The following DESI2 variants were observed in gnomAD, a reference collection of about 807,000 sequenced individuals.
DESI2 encodes desumoylating isopeptidase 2.
In DESI2, 10 loss-of-function variants were observed where a neutral mutation model predicts 24.1. The ratio of observed to expected loss-of-function variants is 0.41; its 90% CI spans 0.26 to 0.70. The LOEUF is 0.70. Among genes scored for constraint, DESI2 ranks in the 30% least tolerant of loss-of-function variants. The pLI, the probability that DESI2 is intolerant of heterozygous loss-of-function variation, is 0.29. For synonymous variants in DESI2, 71 were observed against 87.7 expected (o/e 0.81, Z 1.06); for missense variants, 122 against 234.9 (o/e 0.52, Z 3.14).
intron 3 of DESI2, among the ~76,000 whole-genome samples, chr1:244,690,995 T>C (rs1025824832): frequency 1.3e-5 from 2 of 152,250 alleles, no homozygotes; most frequent in Non-Finnish European, 2.9e-5. Context: ...TTCTAAGTAT[T>C]TTCAGGTTCC....
chr1:244,698,217 G>A (rs7550577), intron 4 of DESI2, among the ~76,000 whole-genome samples: 152,357 of 152,372 alleles, frequency 1, 76,171 homozygotes, highest in Middle Eastern at 1. Flanking sequence ...GTGGGACGCA[G>A]CTTCCTTGCT....
chr1:244,705,129 AAAG>A (rs746298839), intron 4 of DESI2, among the ~76,000 whole-genome samples: 12 of 152,192 alleles, frequency 7.9e-5, no homozygotes, highest in Admixed American at 2.0e-4. Context: ...AATCTGTGAA[AAAG>A]AAGAATTCAC....
chr1:244,674,143 C>T (rs552285020), intron 1 of DESI2, among the ~76,000 whole-genome samples: 31 of 151,924 alleles, frequency 2.0e-4, no homozygotes, highest in East Asian at 9.7e-4. Flanking sequence ...TACAGGCGTC[C>T]GCCACCACGC....
intron 1 of DESI2, among the ~76,000 whole-genome samples, chr1:244,654,378 A>G (rs1433126889): frequency 6.6e-6 from 1 of 152,208 alleles, no homozygotes; most frequent in African/African-American, 2.4e-5. Context: ...GAAATACTAC[A>G]GGCCAAGAGT....
At chr1:244,697,762 C>T (rs929120596) in intron 4 of DESI2, among the ~76,000 whole-genome samples, 6 of 151,930 alleles carry the variant, frequency 3.9e-5, no homozygotes, top group Non-Finnish European at 8.8e-5. Flanking sequence ...TCTCTCCTCC[C>T]GGAAGAAAGA....
intron 4 of DESI2, among the ~76,000 whole-genome samples, chr1:244,701,962 G>A (rs1487373187): frequency 6.6e-6 from 1 of 152,136 alleles, no homozygotes. Context: ...ACCACTATAT[G>A]TGTACGCTTG....
intron 1 of DESI2, among the ~76,000 whole-genome samples, chr1:244,665,340 A>G (rs971058924): frequency 1.3e-5 from 2 of 152,090 alleles, no homozygotes; most frequent in Non-Finnish European, 2.9e-5. Context: ...CTGCGCTCCT[A>G]ACTGTCATGC....
At chr1:244,705,473 C>A in intron 4 of DESI2, 83 bp from the exon 5 acceptor site, 1 of 1,221,064 alleles carries the variant, frequency 8.2e-7, no homozygotes, top group Non-Finnish European at 1.2e-6. Flanking sequence ...CGCCGCCCCC[C>A]TCCTCCCACC....
At chr1:244,685,855 T>TA (rs1676798717) in intron 1 of DESI2, among the ~76,000 whole-genome samples, 1 of 152,218 alleles carries the variant, frequency 6.6e-6, no homozygotes, top group Non-Finnish European at 1.5e-5. Flanking sequence ...TTCACCTTTT[T>TA]AACCCCTTTC....
At chr1:244,663,251 A>G (rs1675910301) in intron 1 of DESI2, among the ~76,000 whole-genome samples, 1 of 151,422 alleles carries the variant, frequency 6.6e-6, no homozygotes, top group Non-Finnish European at 1.5e-5. Flanking sequence ...GTCTCGGCTC[A>G]GTGCAAGCTC....
chr1:244,674,237 G>A (rs1264674511), intron 1 of DESI2, among the ~76,000 whole-genome samples: 1 of 151,734 alleles, frequency 6.6e-6, no homozygotes, highest in African/African-American at 2.4e-5. Flanking sequence ...CACCTCAGGT[G>A]ATCCACCCGC....
At chr1:244,678,814 G>T (rs76410275) in intron 1 of DESI2, among the ~76,000 whole-genome samples, 2 of 152,128 alleles carry the variant, frequency 1.3e-5, no homozygotes, top group African/African-American at 4.8e-5. Flanking sequence ...AAATAGAGCC[G>T]CCTGCATCCG....
At chr1:244,657,849 G>C (rs1023655489) in intron 1 of DESI2, among the ~76,000 whole-genome samples, 4 of 152,194 alleles carry the variant, frequency 2.6e-5, no homozygotes, top group Non-Finnish European at 5.9e-5. Context: ...TTAATAGAAA[G>C]GAAAAACTTA....
intron 4 of DESI2, among the ~76,000 whole-genome samples, chr1:244,693,718 A>G (rs906120517): frequency 3.1e-4 from 47 of 152,358 alleles, no homozygotes; most frequent in African/African-American, 1.1e-3. Context: ...GGCGTGAGCC[A>G]CGGCGCCCAG....
At chr1:244,671,468 C>G (rs1418932708) in intron 1 of DESI2, among the ~76,000 whole-genome samples, 4 of 152,178 alleles carry the variant, frequency 2.6e-5, no homozygotes, top group African/African-American at 9.7e-5. Flanking sequence ...TTTAACTAGT[C>G]TGCTGAATGT....
intron 4 of DESI2, chr1:244,694,366 T>C (rs1677133549): frequency 8.2e-6 from 5 of 610,108 alleles, no homozygotes; most frequent in East Asian, 3.8e-5. Context: ...GTTCAAACTT[T>C]AGTATTCATA....
chr1:244,703,345 A>G (rs896412996), intron 4 of DESI2, among the ~76,000 whole-genome samples: 4 of 151,458 alleles, frequency 2.6e-5, no homozygotes, highest in Non-Finnish European at 5.9e-5. Flanking sequence ...TGTAGTTCAT[A>G]TACATTCTTT....
chr1:244,659,776 T>C (rs1454547530), intron 1 of DESI2, among the ~76,000 whole-genome samples: 1 of 152,210 alleles, frequency 6.6e-6, no homozygotes, highest in East Asian at 1.9e-4. Flanking sequence ...TCACAGGTTC[T>C]GGGAACATTC....
At chr1:244,675,854 G>A (rs1159745131) in intron 1 of DESI2, among the ~76,000 whole-genome samples, 1 of 152,074 alleles carries the variant, frequency 6.6e-6, no homozygotes. Flanking sequence ...GGTCAACTTG[G>A]GAGAGTATTA....
Sources: gnomAD v4.1 joint callset for allele counts (sites outside exome capture counted in the v4.1 genomes callset) on GRCh38, gnomAD v4.1.1 for gene constraint, MANE v1.5 for transcripts, NCBI Gene and HGNC (gene_info 2026-07-23, HGNC 2026-07-21) for gene names.